CHD9: variants seen among roughly 807,000 people sequenced by gnomAD.
The protein encoded by CHD9 is ATP-dependent chromatin remodeler CHD9.
A neutral mutation model predicts 316.1 loss-of-function variants in CHD9; 77 were observed. The ratio of observed to expected loss-of-function variants is 0.24; its 90% CI spans 0.20 to 0.29. The LOEUF (loss-of-function observed/expected upper bound fraction) is 0.29. Among genes scored for constraint, CHD9 ranks in the 10% least tolerant of loss-of-function variants. CHD9 has a pLI of 1.00. For synonymous variants in CHD9, 1,129 were observed against 1,158.3 expected, an observed-to-expected ratio of 0.97 and a Z score of 0.51; for missense variants, 2,763 against 3,438.1, an observed-to-expected ratio of 0.80 and a Z score of 4.91.
rs745398973 is a variant in CHD9, at chr16:53,268,135, A to G, written c.4717+9A>G. 3.8e-6 allele frequency: 6 copies of G among 1,569,978 alleles called. 1 individual carries two copies. The South Asian group carries it at 5.9e-5, about 15-fold the overall frequency. On this transcript the variant is annotated intron_variant, in intron 22 of 38. Transcript: ENST00000447540. ...GCTACAGAATCATCTAGGTAAGAAC[A>G]TTGTTTCATTTGCTTTTAAAATTTA...
Position 53,307,792 on chromosome 16 carries a change from A to G in CHD9, c.6892A>G (p.Thr2298Ala). 5 of 1,613,450 alleles carry G rather than the reference A, an allele frequency of 3.1e-6. No individual in the cohort carries two copies. Among genetic ancestry groups the G allele is most frequent in the East Asian group, 4.5e-5 (2 of 44,866 alleles). Residue 2298 changes from threonine (T) to alanine (A), a missense_variant, in exon 33 of 39, where the codon ACA (threonine) becomes GCA (alanine). Physicochemically the swap from Thr to Ala is moderately conservative, Grantham distance 58. This residue lies in a region of CHD9 where 663 missense variants were observed against 751.2 expected (regional missense o/e 0.88). Coordinates refer to ENST00000447540, the MANE Select transcript of CHD9 (RefSeq NM_001308319.2). ...TAACACAGTGGCTTCTTTCTATACC[A>G]CAAAACTGCTGGACAGCCCTGGAGC... ...DANTVASFYT[T>A]KLLDSPGAAT...
intron 1 of CHD9, among the ~76,000 whole-genome samples, chr16:53,137,374 G>A (rs1279691577): frequency 6.6e-6 from 1 of 152,134 alleles, no homozygotes; most frequent in Non-Finnish European, 1.5e-5. Flanking sequence ...GAATAATACT[G>A]ATATGAACAT....
At chr16:53,217,956 C>CT (rs1007751418) in intron 3 of CHD9, among the ~76,000 whole-genome samples, 6 of 115,780 alleles carry the variant, frequency 5.2e-5, no homozygotes, top group East Asian at 2.4e-4. Context: ...TTCTTTCTTT[C>CT]TTTTTTTTTT....
chr16:53,060,295 G>A (rs1352458082), intron 1 of CHD9, among the ~76,000 whole-genome samples: 1 of 152,080 alleles, frequency 6.6e-6, no homozygotes, highest in Non-Finnish European at 1.5e-5. Context: ...TCCTGATCCC[G>A]AATAATGAGA....
intron 1 of CHD9, among the ~76,000 whole-genome samples, chr16:53,134,437 C>T (rs985728024): frequency 6.6e-6 from 1 of 152,000 alleles, no homozygotes; most frequent in Non-Finnish European, 1.5e-5. Context: ...GCACTTTGTG[C>T]CTCTGTTTAC....
chr16:53,244,074 A>G (rs976759015), intron 13 of CHD9, among the ~76,000 whole-genome samples: 1 of 152,152 alleles, frequency 6.6e-6, no homozygotes, highest in African/African-American at 2.4e-5. Flanking sequence ...GGGAATTTAA[A>G]GGTTTTGTCA....
intron 2 of CHD9, among the ~76,000 whole-genome samples, chr16:53,204,519 T>C (rs2045739314): frequency 6.6e-6 from 1 of 152,238 alleles, no homozygotes; most frequent in Non-Finnish European, 1.5e-5. Flanking sequence ...CATAAGGGTC[T>C]GACACTATCC....
At chr16:53,284,037 C>T (rs1000118231) in intron 24 of CHD9, among the ~76,000 whole-genome samples, 12 of 152,050 alleles carry the variant, frequency 7.9e-5, no homozygotes, top group African/African-American at 1.2e-4. Context: ...ATGTCGATCA[C>T]TTGTTTGTTT....
At chr16:53,266,037 G>A (rs1339196806) in intron 20 of CHD9, among the ~76,000 whole-genome samples, 17 of 149,816 alleles carry the variant, frequency 1.1e-4, no homozygotes, top group Middle Eastern at 3.2e-3. Context: ...TCTTTCTTAC[G>A]GAAGAATTCC....
At chr16:53,303,142 G>A (rs530680054) in intron 30 of CHD9, among the ~76,000 whole-genome samples, 4 of 151,690 alleles carry the variant, frequency 2.6e-5, no homozygotes, top group East Asian at 3.9e-4. Flanking sequence ...CTTTGAATGC[G>A]GCCCATCACA....
chr16:53,312,796 G>T (rs2056576002), intron 34 of CHD9, among the ~76,000 whole-genome samples: 2 of 152,146 alleles, frequency 1.3e-5, no homozygotes, highest in Admixed American at 1.3e-4. Flanking sequence ...TGGGAGGAAG[G>T]TTGTGACTTC....
At chr16:53,252,670 C>G (rs1163975243) in intron 17 of CHD9, among the ~76,000 whole-genome samples, 1 of 148,288 alleles carries the variant, frequency 6.7e-6, no homozygotes, top group Admixed American at 6.7e-5. Context: ...TGCTAATATC[C>G]AGAATCTACA....
chr16:53,094,695 A>G (rs1462462563), intron 1 of CHD9, among the ~76,000 whole-genome samples: 1 of 145,204 alleles, frequency 6.9e-6, no homozygotes, highest in Admixed American at 7.1e-5. Context: ...GCTGGAGTGC[A>G]ATGGTGTGAT....
chr16:53,307,929 G>T lies in CHD9; in HGVS notation c.7029G>T (p.Lys2343Asn), dbSNP rs2056129695. The change falls in exon 33 of 39, where the codon AAG (lysine) becomes AAT (asparagine). Residue 2343 changes from lysine (K) to asparagine (N), a missense_variant. Coordinates refer to ENST00000447540, the MANE Select transcript of CHD9 (RefSeq NM_001308319.2). ...MSKVKKHVRE[K>N]EFTVKIKDEG... The stretch of plus-strand genomic sequence containing the variant: ...AGGTGAAGAAGCATGTACGAGAAAA[G>T]GAGTTTACAGTGAAAATCAAAGACG... 1.9e-6 allele frequency: 3 copies of T among 1,609,526 alleles called. No individual in the cohort carries two copies. Among genetic ancestry groups the T allele is most frequent in the Non-Finnish European group, 2.5e-6 (3 of 1,177,940 alleles).
At chr16:53,169,491 G>T (rs551708160) in intron 2 of CHD9, 1 of 152,258 alleles carries the variant, frequency 6.6e-6, no homozygotes, top group South Asian at 2.1e-4. Flanking sequence ...TGTATTGAAA[G>T]TCTCATTTTT....
At chr16:53,143,254 G>A (rs573630434) in intron 1 of CHD9, among the ~76,000 whole-genome samples, 39 of 152,244 alleles carry the variant, frequency 2.6e-4, no homozygotes, top group African/African-American at 8.9e-4. Context: ...ATAGAACAGA[G>A]TTACAGATGG....
intron 2 of CHD9, among the ~76,000 whole-genome samples, chr16:53,192,230 C>G (rs1298970389): frequency 6.6e-6 from 1 of 152,166 alleles, no homozygotes; most frequent in East Asian, 1.9e-4. Flanking sequence ...AGAAAGAAGT[C>G]TAATTGTGTG....
rs756378063 is a variant in CHD9 at position 53,209,484 on chromosome 16, T to A, written c.1455T>A (p.Pro485=). ...AAAAAATATTTTTGTTTCTGTAGCCTCCATCTTCCAAGAAGAGCGATGGTT... is the reference window on the plus strand; with the variant it reads ...AAAAAATATTTTTGTTTCTGTAGCCACCATCTTCCAAGAAGAGCGATGGTT... ...DRNHLCLQRQ[P]PSSKKSDGSG... Residue 485 remains proline, a splice_region_variant and synonymous_variant, in exon 3 of 39, where the codon CCT becomes CCA. Transcript: ENST00000447540. 1.3e-6 allele frequency: 2 copies of A among 1,592,226 alleles called. No homozygotes were observed. The highest frequency in any genetic ancestry group is 1.2e-5 in the South Asian group (1 of 86,918).
rs770432819 is a variant in CHD9, at chr16:53,291,762, A to T, written c.5285A>T (p.Asp1762Val). 6.4e-7 allele frequency: 1 copy of T among 1,556,062 alleles called. No individual in the cohort carries two copies. The highest frequency in any genetic ancestry group is 8.7e-7 in the Non-Finnish European group (1 of 1,155,736). Reference sequence around the variant, plus strand: ...TCACCAGGAGATCTTGTTATAGCAGATGGAGGTAAATTGCACGTACTTCTG... The same window carrying T: ...TCACCAGGAGATCTTGTTATAGCAGTTGGAGGTAAATTGCACGTACTTCTG... Reference protein sequence around the residue: ...VSSPGDLVIADGDGQLMEGDK... With the variant: ...VSSPGDLVIAVGDGQLMEGDK... The change falls in exon 28 of 39, where the codon GAT (aspartate) becomes GTT (valine). Residue 1762 changes from aspartate (D) to valine (V), a missense_variant. By Grantham distance (152) the Asp-to-Val change is radical (BLOSUM62 -3). Around this residue, in one of 15 missense-constraint regions of CHD9, gnomAD observed 183 missense variants for 258.5 expected, o/e 0.71. Transcript: ENST00000447540.
Sources: gnomAD v4.1 joint callset for allele counts (sites outside exome capture counted in the v4.1 genomes callset) on GRCh38, gnomAD v4.1.1 for gene constraint, gnomAD v4.1.1 regional missense constraint, MANE v1.5 for transcripts, NCBI Gene and HGNC (gene_info 2026-07-23, HGNC 2026-07-21) for gene names.